The following WWOX variants were observed in gnomAD, a reference collection of about 807,000 sequenced individuals.
WWOX encodes WW domain containing oxidoreductase.
Under a neutral mutation model 46.2 loss-of-function variants are expected in WWOX, and 69 were observed. The ratio of observed to expected loss-of-function variants is 1.49; its 90% CI spans 1.23 to 1.82. The LOEUF is 1.82. Among genes scored for constraint, WWOX ranks in the 40% most tolerant of loss-of-function variants. WWOX has a pLI of 0.00. For missense variants in WWOX, 919 were observed against 542.6 expected, an observed-to-expected ratio of 1.69 and a Z score of -6.89; for synonymous variants, 359 against 202.6, an observed-to-expected ratio of 1.77 and a Z score of -6.56.
At position 78,785,402 on chromosome 16, in the gene WWOX, C is replaced by T. The variant is rs983974217; in HGVS notation, c.1056+352650C>T. On this transcript the variant is annotated intron_variant, in intron 8 of 8. Transcript: ENST00000566780. ...TGTTTGAGGACCCAAGGTGGTCTCA[C>T]TCTGCAACACACATCGGCAGCCAGT... Among the ~76,000 whole-genome samples the T allele has an allele frequency of 3.9e-5, 6 of 152,208 alleles. 1 individual carries two copies.
At chr16:78,709,184 C>G (rs1000351348) in intron 8 of WWOX, among the ~76,000 whole-genome samples, 1 of 152,142 alleles carries the variant, frequency 6.6e-6, no homozygotes, top group Non-Finnish European at 1.5e-5. Context: ...GAGAGGGGTT[C>G]TGTGTGTGTG....
chr16:78,611,469 C>G lies in WWOX; in HGVS notation c.1056+178717C>G, dbSNP rs114756951. On this transcript the variant is annotated intron_variant, in intron 8 of 8. Coordinates refer to ENST00000566780, the MANE Select transcript of WWOX (RefSeq NM_016373.4). ...GTGTGAAATGAGCCTGGTCATATGA[C>G]TGCCCTGCCTCCCTGGAGGCCTCCC... 4.8e-3 allele frequency among the ~76,000 whole-genome samples: 732 copies of G among 152,286 alleles called. 3 individuals are homozygous for G. The highest frequency in any genetic ancestry group is 0.01 in the African/African-American group (423 of 41,558).
intron 8 of WWOX, among the ~76,000 whole-genome samples, chr16:78,651,795 G>C (rs956485787): frequency 3.9e-5 from 6 of 152,288 alleles, no homozygotes; most frequent in African/African-American, 1.2e-4. Flanking sequence ...ACTGTTGGAT[G>C]GGAATCTGGC....
At chr16:78,889,903 C>G (rs539483071) in intron 8 of WWOX, among the ~76,000 whole-genome samples, 9 of 152,286 alleles carry the variant, frequency 5.9e-5, no homozygotes, top group Admixed American at 5.2e-4. Context: ...TAAACTCCCA[C>G]TGTTTATAAG....
intron 8 of WWOX, among the ~76,000 whole-genome samples, chr16:78,740,348 C>G (rs1018881456): frequency 1.3e-5 from 2 of 152,178 alleles, no homozygotes; most frequent in Non-Finnish European, 2.9e-5. Flanking sequence ...CAAGCAGCCT[C>G]TCTTGAAGCA....
At chr16:78,554,739 G>C (rs1452620322) in intron 8 of WWOX, among the ~76,000 whole-genome samples, 6 of 152,244 alleles carry the variant, frequency 3.9e-5, no homozygotes, top group Admixed American at 3.3e-4. Flanking sequence ...CGCAGATTTG[G>C]TTCCTCAGCT....
intron 8 of WWOX, among the ~76,000 whole-genome samples, chr16:78,935,138 A>T (rs994676040): frequency 2.6e-5 from 4 of 152,132 alleles, no homozygotes; most frequent in Admixed American, 1.3e-4. Flanking sequence ...AAATAGGAAC[A>T]CTTTTACACT....
At chr16:78,314,688 G>GTTTTTTTTTTTTTTT (rs375905643) in intron 5 of WWOX, among the ~76,000 whole-genome samples, 2 of 90,512 alleles carry the variant, frequency 2.2e-5, no homozygotes, top group Admixed American at 1.3e-4. Context: ...CCCTGCAGGG[G>GTTTTTTTTTTTTTTT]TTTTTTTTTT....
chr16:79,040,831 A>G (rs993689536), intron 8 of WWOX, among the ~76,000 whole-genome samples: 1 of 151,956 alleles, frequency 6.6e-6, no homozygotes, highest in Non-Finnish European at 1.5e-5. Context: ...GCAAGGTTGT[A>G]CTGGGATTTT....
rs573284292 is a variant in WWOX at position 78,223,536 on chromosome 16, A to G, written c.516+59247A>G. 6.4e-4 allele frequency among the ~76,000 whole-genome samples: 98 copies of G among 152,276 alleles called. No individual in the cohort carries two copies. In the Middle Eastern group the frequency reaches 0.014, roughly 21 times the overall value. Reference sequence around the variant, plus strand: ...GTGGTGTAGGCAAAGAGAAGGATGCATAGGCACATTGGACGGTGGAAGGCA... The same window carrying G: ...GTGGTGTAGGCAAAGAGAAGGATGCGTAGGCACATTGGACGGTGGAAGGCA... On this transcript the variant is annotated intron_variant, in intron 5 of 8. Transcript: ENST00000566780.
chr16:79,081,718 T>G (rs2150582963), intron 8 of WWOX, among the ~76,000 whole-genome samples: 1 of 152,214 alleles, frequency 6.6e-6, no homozygotes, highest in Middle Eastern at 3.4e-3. Flanking sequence ...TGACAGGAAT[T>G]TAGACCATGC....
intron 8 of WWOX, among the ~76,000 whole-genome samples, chr16:78,972,074 G>A (rs953795094): frequency 6.6e-6 from 1 of 152,090 alleles, no homozygotes; most frequent in Admixed American, 6.5e-5. Flanking sequence ...AGGTCTCCCC[G>A]TATACCCAGC....
chr16:78,327,855 C>T (rs887222556), intron 5 of WWOX, among the ~76,000 whole-genome samples: 30 of 148,784 alleles, frequency 2.0e-4, no homozygotes, highest in African/African-American at 7.4e-4. Context: ...ATGAGCTAGC[C>T]TGAATGAGTC....
At chr16:78,528,788 G>A (rs2151509723) in intron 8 of WWOX, among the ~76,000 whole-genome samples, 1 of 152,176 alleles carries the variant, frequency 6.6e-6, no homozygotes, top group South Asian at 2.1e-4. Context: ...GTTTTTCAGT[G>A]GCTGGTTCTT....
intron 8 of WWOX, chr16:78,891,981 C>G (rs2044600617): frequency 1.3e-5 from 2 of 152,188 alleles, no homozygotes; most frequent in South Asian, 2.1e-4. Flanking sequence ...AAATCATAAC[C>G]TAGGATATTT....
intron 8 of WWOX, among the ~76,000 whole-genome samples, chr16:78,681,662 C>G (rs1296334055): frequency 1.3e-5 from 2 of 152,152 alleles, no homozygotes; most frequent in African/African-American, 4.8e-5. Flanking sequence ...TCAGGGGAAT[C>G]CTGAATTACA....
At chr16:79,175,205 A>G (rs1189252151) in intron 8 of WWOX, among the ~76,000 whole-genome samples, 1 of 152,200 alleles carries the variant, frequency 6.6e-6, no homozygotes, top group Non-Finnish European at 1.5e-5. Flanking sequence ...TAGTTGCTTG[A>G]ATTGAACGAA....
In WWOX at chr16:79,140,386, G is replaced by C. The variant is rs147972222; in HGVS notation, c.1057-71222G>C. Among the ~76,000 whole-genome samples the C allele has an allele frequency of 6.3e-3, 960 of 152,246 alleles. 8 individuals carry two copies. Among genetic ancestry groups the C allele is most frequent in the African/African-American group, 0.022 (903 of 41,544 alleles). ...GAATCGAACTTCCACCGCAGCATCC[G>C]CCAGCTCTTATAATCACTTGCCCTT... is the stretch of plus-strand genomic sequence containing the variant. On this transcript the variant is annotated intron_variant, in intron 8 of 8. Transcript: ENST00000566780.
intron 8 of WWOX, among the ~76,000 whole-genome samples, chr16:78,818,319 A>G (rs1034700111): frequency 1.3e-5 from 2 of 152,154 alleles, no homozygotes; most frequent in African/African-American, 4.8e-5. Context: ...GCCCTGCCAC[A>G]CCATCACCCT....
Sources: gnomAD v4.1 joint callset for allele counts (sites outside exome capture counted in the v4.1 genomes callset) on GRCh38, gnomAD v4.1.1 for gene constraint, MANE v1.5 for transcripts, NCBI Gene and HGNC (gene_info 2026-07-23, HGNC 2026-07-21) for gene names.